NUP98: variants seen among roughly 807,000 people sequenced by gnomAD.
NUP98 encodes the protein nucleoporin 98 and 96 precursor.
Under a neutral mutation model 191.9 loss-of-function variants are expected in NUP98, and 26 were observed. That is an observed-to-expected ratio of 0.14 (90% confidence interval 0.10 to 0.19). The LOEUF (loss-of-function observed/expected upper bound fraction) is 0.19, where lower values mean the gene tolerates loss of function less well. Among genes scored for constraint, NUP98 ranks in the 10% least tolerant of loss-of-function variants. The probability of loss-of-function intolerance (pLI) is 1.00; values close to 1 mark genes in which losing one functional copy is unlikely to be tolerated. For missense variants in NUP98, 1,941 were observed against 2,178.8 expected (o/e 0.89, Z 2.17); for synonymous variants, 808 against 778.4 (o/e 1.04, Z -0.63).
intron 5 of NUP98, among the ~76,000 whole-genome samples, chr11:3,775,607 A>C (rs935308532): frequency 6.6e-6 from 1 of 152,150 alleles, no homozygotes; most frequent in Non-Finnish European, 1.5e-5. Flanking sequence ...TTCTTAACAC[A>C]GTAAATTCAA....
intron 1 of NUP98, among the ~76,000 whole-genome samples, chr11:3,786,767 AAAG>A (rs1462852896): frequency 1.3e-5 from 2 of 152,228 alleles, no homozygotes; most frequent in Admixed American, 6.5e-5. Flanking sequence ...TCTACCCAGA[AAAG>A]TAGTGGATAT....
rs779598800 is a variant in NUP98 at position 3,778,881 on chromosome 11, C to T, written c.347G>A (p.Gly116Asp). Residue 116 changes from glycine to aspartate, a missense_variant, in exon 4 of 33, where the codon GGC (glycine) becomes GAC (aspartate). By Grantham distance (94) the Gly-to-Asp change is moderately conservative (BLOSUM62 -1). Coordinates refer to ENST00000324932, the MANE Select transcript of NUP98 (RefSeq NM_016320.5). ...NNAFAQNKPT[G>D]FGNFGTSTSS... is the part of the protein sequence containing the mutation. Reference sequence around the variant, plus strand: ...AGTGATGTCCCACTTACTGCCAAAGCCAGTTGGTTTATTTTGTGCAAAGGC... The same window carrying T: ...AGTGATGTCCCACTTACTGCCAAAGTCAGTTGGTTTATTTTGTGCAAAGGC... The T allele has an allele frequency of 1.2e-6, 2 of 1,613,746 alleles. No homozygotes were observed. Among genetic ancestry groups the T allele is most frequent in the East Asian group, 2.2e-5 (1 of 44,868 alleles).
intron 8 of NUP98, among the ~76,000 whole-genome samples, chr11:3,764,454 A>G (rs2081272942): frequency 6.6e-6 from 1 of 152,228 alleles, no homozygotes; most frequent in African/African-American, 2.4e-5. Flanking sequence ...AAATCCCAAG[A>G]TGTGCAATTG....
intron 30 of NUP98, among the ~76,000 whole-genome samples, chr11:3,682,602 G>A (rs1010391507): frequency 6.6e-6 from 1 of 152,190 alleles, no homozygotes. Context: ...TATGGATGCA[G>A]TTGGTGGCAC....
intron 1 of NUP98, among the ~76,000 whole-genome samples, chr11:3,791,375 A>C (rs942374869): frequency 7.3e-6 from 1 of 136,658 alleles, no homozygotes; most frequent in Admixed American, 7.4e-5. Flanking sequence ...TCTACTAAAA[A>C]TACAAAAAAT....
rs950019501 is a variant in NUP98, at chr11:3,683,778, T to C, written c.4677-337A>G. On this transcript the variant is annotated intron_variant, in intron 29 of 32. Coordinates refer to ENST00000324932, the MANE Select transcript of NUP98 (RefSeq NM_016320.5). ...GTCTGGAACTCCCAACCTCAGGTGA[T>C]CCACCCGCCTCAGCTTCCCAAAGTG... Among the ~76,000 whole-genome samples the C allele has an allele frequency of 7.2e-5, 11 of 151,990 alleles. No individual in the cohort carries two copies. In the East Asian group the frequency reaches 2.1e-3, roughly 30 times the overall value.
rs201767459 is a variant in NUP98 at position 3,708,724 on chromosome 11, TAA to T, written c.2743-2099_2743-2098del. The stretch of plus-strand genomic sequence containing the variant: ...CCAGTCCTGAAAAAAAAGGTGTACT[TAA>T]AAAAAAAAAAAAAAAGATGGCTCAG... On this transcript the variant is annotated intron_variant, in intron 20 of 32. Coordinates refer to ENST00000324932, the MANE Select transcript of NUP98 (RefSeq NM_016320.5). Among the ~76,000 whole-genome samples, 701 of 123,726 alleles carry T rather than the reference TAA, an allele frequency of 5.7e-3. 9 individuals are homozygous for T. The highest frequency in any genetic ancestry group is 0.018 in the African/African-American group (628 of 34,022). 81.2% of individuals were successfully genotyped at this position (123,726 alleles called of 152,430 possible).
rs534451701 is a variant in NUP98 at position 3,740,338 on chromosome 11, C to T, written c.1408+4171G>A. On this transcript the variant is annotated intron_variant, in intron 12 of 32. Transcript: ENST00000324932. ...CCAGCCTAGCCAATATGGTGAAACC[C>T]AATACCTACTAAAAATACAAAAATT... 1.6e-3 allele frequency among the ~76,000 whole-genome samples: 246 copies of T among 152,036 alleles called. 4 individuals are homozygous for T. Among genetic ancestry groups the T allele is most frequent in the Admixed American group, 9.8e-4 (15 of 15,262 alleles).
intron 28 of NUP98, among the ~76,000 whole-genome samples, chr11:3,689,919 G>A (rs1187558898): frequency 6.7e-6 from 1 of 148,700 alleles, no homozygotes; most frequent in African/African-American, 2.5e-5. Flanking sequence ...TTACAGGTGT[G>A]AGCCACCATG....
intron 7 of NUP98, among the ~76,000 whole-genome samples, chr11:3,770,870 T>C (rs1178142788): frequency 1.3e-5 from 2 of 152,072 alleles, no homozygotes; most frequent in African/African-American, 4.8e-5. Context: ...TTCTTTTCCG[T>C]CCTTTTTATT....
chr11:3,715,239 C>T (rs1348351689), intron 18 of NUP98, among the ~76,000 whole-genome samples: 3 of 152,172 alleles, frequency 2.0e-5, no homozygotes, highest in Non-Finnish European at 4.4e-5. Flanking sequence ...CTCTGCCTAC[C>T]GGGTTCAAGT....
In NUP98 at chr11:3,786,052, C is replaced by T. The variant is rs2082130463; in HGVS notation, c.-28-3907G>A. On this transcript the variant is annotated intron_variant, in intron 1 of 32. Coordinates refer to ENST00000324932, the MANE Select transcript of NUP98 (RefSeq NM_016320.5). ...CTGCTTATGAATTATCTCATGTAAA[C>T]CTCCCAAGAATCCAACGATGTAGGT... 2.0e-5 allele frequency among the ~76,000 whole-genome samples: 3 copies of T among 152,054 alleles called. No homozygotes were observed. In the South Asian group the frequency reaches 6.2e-4, roughly 32 times the overall value.
At chr11:3,729,089 A>C (rs534280402) in intron 14 of NUP98, among the ~76,000 whole-genome samples, 1 of 152,354 alleles carries the variant, frequency 6.6e-6, no homozygotes, top group South Asian at 2.1e-4. Context: ...GATGTAGAGT[A>C]GGGTAAGATA....
chr11:3,702,915 G>T (rs768694972), intron 22 of NUP98, 23 bp from the exon 23 acceptor site: 2 of 1,568,404 alleles, frequency 1.3e-6, no homozygotes, highest in Admixed American at 1.8e-5. Flanking sequence ...GGGAATGAAG[G>T]GGAGAAAGAC....
intron 14 of NUP98, 121 bp downstream of exon 14, chr11:3,731,270 A>T (rs2079836776): frequency 1.5e-6 from 1 of 684,970 alleles, no homozygotes; most frequent in Admixed American, 4.2e-5. Context: ...TCTCAAAAAC[A>T]AAAACAAAAA....
chr11:3,720,975 A>AATGT, intron 16 of NUP98, 150 bp from the exon 17 acceptor site: 14 of 323,534 alleles, frequency 4.3e-5, no homozygotes, highest in Non-Finnish European at 1.7e-5. Context: ...GGGGTGTGTG[A>AATGT]GTGTGTGTGT....
At chr11:3,760,739 T>A in intron 9 of NUP98, 113 bp from the exon 10 acceptor site, 1 of 690,226 alleles carries the variant, frequency 1.4e-6, no homozygotes. Flanking sequence ...AAAGATGTCC[T>A]AACATTCATA....
At chr11:3,769,974 T>C (rs1056592493) in intron 7 of NUP98, among the ~76,000 whole-genome samples, 4 of 141,440 alleles carry the variant, frequency 2.8e-5, no homozygotes, top group African/African-American at 1.1e-4. Context: ...ACCCAGGAGG[T>C]GGAGGATGCA....
chr11:3,768,853 T>C (rs1010973518), intron 7 of NUP98, 109 bp from the exon 8 acceptor site: 51 of 742,630 alleles, frequency 6.9e-5, no homozygotes, highest in Non-Finnish European at 9.9e-5. Flanking sequence ...CTTTATGTTA[T>C]CTACTACCCT....
Sources: allele counts gnomAD v4.1 joint callset (sites outside exome capture counted in the v4.1 genomes callset), GRCh38; gene constraint gnomAD v4.1.1; transcripts MANE v1.5; gene names NCBI Gene and HGNC (gene_info 2026-07-23, HGNC 2026-07-21).